The following STAB2 variants were observed in gnomAD, a reference collection of about 807,000 sequenced individuals.
STAB2 encodes the protein stabilin 2, also known as stabilin-2.
Under a neutral mutation model 338.1 loss-of-function variants are expected in STAB2, and 288 were observed. The observed-to-expected ratio is 0.85, with a 90% CI of 0.77 to 0.94. The LOEUF (loss-of-function observed/expected upper bound fraction) is 0.94, where lower values mean the gene tolerates loss of function less well. STAB2 is among the 40% of genes least tolerant of loss of function. The pLI is 0.00. For missense variants in STAB2, 3,141 were observed against 3,210.1 expected (o/e 0.98, Z 0.52); for synonymous variants, 1,202 against 1,193.3 (o/e 1.01, Z -0.15).
chr12:103,646,517 A>G (rs1440527647), intron 9 of STAB2, among the ~76,000 whole-genome samples: 1 of 152,138 alleles, frequency 6.6e-6, no homozygotes, highest in Non-Finnish European at 1.5e-5. Context: ...TCTATCAACT[A>G]TCCTAAAGGT....
In STAB2 at chr12:103,723,887, AGAGAT is replaced by A. The variant is rs1404010546; in HGVS notation, c.4684-1087_4684-1083del. ...GGAGGTTGGAGACTGCAGTATTAGA[AGAGAT>A]AAGTTGAAATGATAAAAGTTGGTGG... On this transcript the variant is annotated intron_variant, in intron 44 of 68. Transcript: ENST00000388887. Among the ~76,000 whole-genome samples, 3 of 151,722 alleles carry A rather than the reference AGAGAT, an allele frequency of 2.0e-5. No individual in the cohort carries two copies. The East Asian group carries it at 5.8e-4, about 29-fold the overall frequency.
chr12:103,699,462 G>A lies in STAB2; in HGVS notation c.3714+235G>A, dbSNP rs546995955. 8.5e-5 allele frequency among the ~76,000 whole-genome samples: 13 copies of A among 152,294 alleles called. No individual in the cohort carries two copies. In the East Asian group the frequency reaches 1.2e-3, roughly 14 times the overall value. On this transcript the variant is annotated intron_variant, in intron 34 of 68. Coordinates refer to ENST00000388887, the MANE Select transcript of STAB2 (RefSeq NM_017564.10). ...TGGAAGGCAAGGAGGCACAAGTCAC[G>A]TCTTTCATGGATGGCAGCAGGCAAA...
intron 33 of STAB2, among the ~76,000 whole-genome samples, 154 bp downstream of exon 33, chr12:103,695,998 A>C (rs919382051): frequency 1.3e-5 from 2 of 152,126 alleles, no homozygotes; most frequent in Non-Finnish European, 2.9e-5. Flanking sequence ...CTCATACACA[A>C]ACATCCCCTC....
At chr12:103,666,572 T>G (rs1052729864) in intron 19 of STAB2, among the ~76,000 whole-genome samples, 3 of 152,272 alleles carry the variant, frequency 2.0e-5, no homozygotes, top group Non-Finnish European at 2.9e-5. Flanking sequence ...TTAACCCTTT[T>G]ACTGTTTCTT....
At chr12:103,754,542 A>G (rs1007275055) in intron 61 of STAB2, among the ~76,000 whole-genome samples, 2 of 152,106 alleles carry the variant, frequency 1.3e-5, no homozygotes, top group Non-Finnish European at 2.9e-5. Context: ...GCTCCCAATA[A>G]GTCTTATGAT....
chr12:103,766,120 C>A (rs1292128777), intron 68 of STAB2, 166 bp from the exon 69 acceptor site: 1 of 921,740 alleles, frequency 1.1e-6, no homozygotes, highest in East Asian at 2.7e-5. Flanking sequence ...ACCCCCAGCC[C>A]ATCCTGCCTC....
chr12:103,761,729 ATC>A (rs1884554492), intron 66 of STAB2, among the ~76,000 whole-genome samples: 1 of 152,172 alleles, frequency 6.6e-6, no homozygotes, highest in Non-Finnish European at 1.5e-5. Context: ...ACTTCGTAGC[ATC>A]TCTGAGTCCC....
At position 103,711,526 on chromosome 12, in the gene STAB2, C is replaced by T; in HGVS notation, c.4334+10C>T. On this transcript the variant is annotated intron_variant, in intron 40 of 68. Transcript: ENST00000388887. ...GCCATACCAGCGCCAAGTAGGTAGCCCTGGGCCACCTCTGGGGACAGTGTA... is the reference window on the plus strand; with the variant it reads ...GCCATACCAGCGCCAAGTAGGTAGCTCTGGGCCACCTCTGGGGACAGTGTA... 6.2e-7 allele frequency: 1 copy of T among 1,614,030 alleles called. No individual in the cohort carries two copies.
In STAB2 at chr12:103,638,024, C is replaced by T. The variant is rs1957577210; in HGVS notation, c.718C>T (p.Pro240Ser). The change falls in exon 8 of 69, where the codon CCA (proline) becomes TCA (serine). Residue 240 changes from proline (P) to serine (S), a missense_variant. Coordinates refer to ENST00000388887, the MANE Select transcript of STAB2 (RefSeq NM_017564.10). ...GDGKYCDPINPCLRKICHPHA... is the reference protein window; with the variant it reads ...GDGKYCDPINSCLRKICHPHA... ...TGCTGTTGCCTCTCAAGCCATCAAT[C>T]CATGTTTACGAAAAATCTGCCACCC... is the stretch of plus-strand genomic sequence containing the variant. 1.2e-6 allele frequency: 2 copies of T among 1,610,818 alleles called. No homozygotes were observed. Among genetic ancestry groups the T allele is most frequent in the Non-Finnish European group, 1.7e-6 (2 of 1,177,482 alleles).
intron 33 of STAB2, among the ~76,000 whole-genome samples, chr12:103,697,251 T>G (rs1433738113): frequency 1.3e-5 from 2 of 152,180 alleles, no homozygotes; most frequent in Admixed American, 6.5e-5. Flanking sequence ...GAAGCAAGTC[T>G]TAGCTCTCCA....
At position 103,675,983 on chromosome 12, in the gene STAB2, C is replaced by A. The variant is rs1170454415; in HGVS notation, c.2608C>A (p.Pro870Thr). The change falls in exon 24 of 69, where the codon CCT becomes ACT. Residue 870 changes from proline to threonine, a missense_variant. Physicochemically the swap from Pro to Thr is conservative, Grantham distance 38 (BLOSUM62 -1). Coordinates refer to ENST00000388887, the MANE Select transcript of STAB2 (RefSeq NM_017564.10). ...TGGAACTCTGTGTTCTGAGATGGAC[C>A]CTTGCACAGGACTAACTCCAGGAGG... ...GDGTLCSEMD[P>T]CTGLTPGGCS... The A allele has an allele frequency of 6.2e-7, 1 of 1,613,390 alleles. No individual in the cohort carries two copies. The highest frequency in any genetic ancestry group is 1.3e-5 in the African/African-American group (1 of 74,808).
intron 34 of STAB2, among the ~76,000 whole-genome samples, chr12:103,702,188 A>G (rs1878942553): frequency 6.6e-6 from 1 of 151,552 alleles, no homozygotes; most frequent in Non-Finnish European, 1.5e-5. Flanking sequence ...GTTGAATTTG[A>G]CTTGGCGGCA....
At chr12:103,641,914 A>G (rs995439650) in intron 9 of STAB2, among the ~76,000 whole-genome samples, 2 of 152,224 alleles carry the variant, frequency 1.3e-5, no homozygotes, top group Admixed American at 6.5e-5. Flanking sequence ...TCCTCAGGTA[A>G]TTTAGTTCAT....
At chr12:103,592,186 G>A (rs1009794419) in intron 2 of STAB2, 4 of 152,132 alleles carry the variant, frequency 2.6e-5, no homozygotes, top group African/African-American at 9.7e-5. Context: ...AAGTTCGTAT[G>A]ATACGTGATT....
chr12:103,669,068 A>G (rs1345382198), intron 20 of STAB2: 3 of 276,922 alleles, frequency 1.1e-5, no homozygotes, highest in African/African-American at 2.2e-5. Context: ...GCTCTTCCAG[A>G]TTTCCCTGAG....
At chr12:103,627,959 G>C (rs544740474) in intron 5 of STAB2, among the ~76,000 whole-genome samples, 1 of 152,290 alleles carries the variant, frequency 6.6e-6, no homozygotes, top group Non-Finnish European at 1.5e-5. Flanking sequence ...GCCTAATACA[G>C]TGCCTGCTAC....
At position 103,733,082 on chromosome 12, in the gene STAB2, T is replaced by C; in HGVS notation, c.5360T>C (p.Leu1787Pro). The C allele has an allele frequency of 6.2e-7, 1 of 1,614,070 alleles. No individual in the cohort carries two copies. Among genetic ancestry groups the C allele is most frequent in the Non-Finnish European group, 8.5e-7 (1 of 1,180,000 alleles). ...CTCTTCTGGCCCACCGACCAAGCCC[T>C]CCATGCCCTACCTGCTGAACAACAG... ...VTLFWPTDQA[L>P]HALPAEQQDF... The change falls in exon 51 of 69, where the codon CTC (leucine) becomes CCC (proline). Residue 1787 changes from leucine to proline, a missense_variant. By Grantham distance (98) the Leu-to-Pro change is moderately conservative. Coordinates refer to ENST00000388887, the MANE Select transcript of STAB2 (RefSeq NM_017564.10).
chr12:103,659,385 T>G (rs1207013462), intron 15 of STAB2, among the ~76,000 whole-genome samples: 1 of 152,230 alleles, frequency 6.6e-6, no homozygotes, highest in African/African-American at 2.4e-5. Flanking sequence ...GGGCTTTCTC[T>G]TAGCCTGGGA....
chr12:103,758,260 C>A lies in STAB2; in HGVS notation c.7078C>A (p.Pro2360Thr), dbSNP rs1429136051. 2 of 1,614,000 alleles carry A rather than the reference C, an allele frequency of 1.2e-6. No homozygotes were observed. The highest frequency in any genetic ancestry group is 1.7e-5 in the Admixed American group (1 of 60,028). Reference sequence around the variant, plus strand: ...GTCCATCCGCGGCACCCTCTTTGTGCCACAGAACAGTGGGCTGGGGGAGAA... The same window carrying A: ...GTCCATCCGCGGCACCCTCTTTGTGACACAGAACAGTGGGCTGGGGGAGAA... ...DLSIRGTLFVPQNSGLGENET... is the reference protein window; with the variant it reads ...DLSIRGTLFVTQNSGLGENET... The change falls in exon 64 of 69, where the codon CCA becomes ACA. Residue 2360 changes from proline to threonine, a missense_variant. Pro to Thr is a conservative substitution (Grantham distance 38). Transcript: ENST00000388887.
Sources: allele counts gnomAD v4.1 joint callset (sites outside exome capture counted in the v4.1 genomes callset), GRCh38; gene constraint gnomAD v4.1.1; transcripts MANE v1.5; gene names NCBI Gene and HGNC (gene_info 2026-07-23, HGNC 2026-07-21).